The following ATL2 variants were observed in gnomAD, a reference collection of about 807,000 sequenced individuals.
ATL2 encodes the protein atlastin-2.
In ATL2, 31 loss-of-function variants were observed where a neutral mutation model predicts 73.9. The observed-to-expected ratio is 0.42, with a 90% CI of 0.32 to 0.57. The LOEUF is 0.57. Ranked by LOEUF, ATL2 falls within the 20% of genes least tolerant of loss-of-function variation. The probability of loss-of-function intolerance (pLI) is 0.14; values close to 1 mark genes in which losing one functional copy is unlikely to be tolerated. For synonymous variants in ATL2, 291 were observed against 237.5 expected (o/e 1.23, Z -2.07); for missense variants, 738 against 702.6 (o/e 1.05, Z -0.57).
intron 2 of ATL2, among the ~76,000 whole-genome samples, chr2:38,320,156 T>A (rs1393328461): frequency 6.6e-6 from 1 of 152,144 alleles, no homozygotes; most frequent in African/African-American, 2.4e-5. Context: ...CAAGACTTGT[T>A]TGGAGCCTGA....
chr2:38,336,121 A>G (rs1346905877), intron 2 of ATL2, among the ~76,000 whole-genome samples: 1 of 152,246 alleles, frequency 6.6e-6, no homozygotes, highest in African/African-American at 2.4e-5. Context: ...TTGAGAAAGA[A>G]CATAAGACAG....
chr2:38,376,834 C>CGGGGCGGACACG (rs2124516611), intron 1 of ATL2, among the ~76,000 whole-genome samples: 1 of 151,360 alleles, frequency 6.6e-6, no homozygotes, highest in African/African-American at 2.4e-5. Context: ...CCCCTAAGGT[C>CGGGGCGGACACG]GGGGCGGACA....
At position 38,295,908 on chromosome 2, in the gene ATL2, T is replaced by C; in HGVS notation, c.*86A>G. On this transcript the variant is annotated 3_prime_UTR_variant, in exon 13 of 13. Transcript: ENST00000378954. ...ACTAAACTACTTCTACAGTTGATTG[T>C]AAACTTTGGTTTATTTTTATTTGAG... The C allele has an allele frequency of 1.7e-6, 2 of 1,170,124 alleles. No individual in the cohort carries two copies. Among genetic ancestry groups the C allele is most frequent in the South Asian group, 1.5e-5 (1 of 67,382 alleles). 72.5% of individuals were successfully genotyped at this position (1,170,124 alleles called of 1,614,324 possible). A position where few individuals can be genotyped will look rare whatever the true frequency, so the allele number is the denominator to read the frequency against.
chr2:38,349,684 A>G (rs1295479475), intron 1 of ATL2, among the ~76,000 whole-genome samples: 2 of 147,316 alleles, frequency 1.4e-5, no homozygotes, highest in Admixed American at 1.3e-4. Context: ...ATAAAAAATA[A>G]ATAAAATAGG....
intron 12 of ATL2, chr2:38,296,316 A>C: frequency 3.5e-6 from 5 of 1,446,066 alleles, no homozygotes; most frequent in Non-Finnish European, 4.5e-6. Flanking sequence ...TCTTATTCAA[A>C]CCATTTACAA....
intron 10 of ATL2, 81 bp from the exon 11 acceptor site, chr2:38,299,408 C>T (rs1667071473): frequency 3.0e-6 from 4 of 1,326,846 alleles, no homozygotes; most frequent in South Asian, 3.5e-5. Flanking sequence ...AAGTTATGTA[C>T]AATAAACAAG....
At chr2:38,308,567 T>C (rs936324156) in intron 9 of ATL2, among the ~76,000 whole-genome samples, 2 of 152,082 alleles carry the variant, frequency 1.3e-5, no homozygotes, top group African/African-American at 4.8e-5. Context: ...CAGTCAATAA[T>C]AACTTACTAT....
At chr2:38,360,043 T>G (rs1177809411) in intron 1 of ATL2, among the ~76,000 whole-genome samples, 1 of 145,754 alleles carries the variant, frequency 6.9e-6, no homozygotes, top group African/African-American at 2.6e-5. Context: ...GACACGAGAA[T>G]CACTTGAACC....
At chr2:38,377,073 G>T in intron 1 of ATL2, 70 bp downstream of exon 1, 2 of 1,464,838 alleles carry the variant, frequency 1.4e-6, no homozygotes, top group Non-Finnish European at 1.9e-6. Context: ...TGCGGCCGGT[G>T]CCCGCGAGCC....
chr2:38,305,205 C>G (rs1667384749), intron 9 of ATL2, among the ~76,000 whole-genome samples: 1 of 151,986 alleles, frequency 6.6e-6, no homozygotes, highest in South Asian at 2.1e-4. Flanking sequence ...ACTGGAGCAC[C>G]CAGATATATA....
rs559341701 is a variant in ATL2, at chr2:38,376,868, G to C, written c.118+275C>G. ...CACGGCGGCAGCCACGCGGCGGGCT[G>C]GCGGGCAGGGGGCCGGGCCGGTCGC... On this transcript the variant is annotated intron_variant, in intron 1 of 12. Coordinates refer to ENST00000378954, the MANE Select transcript of ATL2 (RefSeq NM_001135673.4). Among the ~76,000 whole-genome samples, 220 of 150,670 alleles carry C rather than the reference G, an allele frequency of 1.5e-3. 1 individual carries two copies. The highest frequency in any genetic ancestry group is 5.1e-3 in the African/African-American group (212 of 41,372).
intron 4 of ATL2, among the ~76,000 whole-genome samples, chr2:38,317,693 G>C (rs778749353): frequency 2.0e-5 from 3 of 151,632 alleles, no homozygotes; most frequent in Non-Finnish European, 4.4e-5. Context: ...AATTACCTGG[G>C]TTTTTTGTTT....
chr2:38,349,706 C>T (rs1383812312), intron 1 of ATL2, among the ~76,000 whole-genome samples: 1 of 151,442 alleles, frequency 6.6e-6, no homozygotes, highest in African/African-American at 2.4e-5. Flanking sequence ...AAAAAAAAAC[C>T]CCACTGGGCA....
upstream of ATL2, among the ~76,000 whole-genome samples, chr2:38,377,817 ATCTTT>A (rs1672078536): frequency 7.7e-6 from 1 of 130,510 alleles, no homozygotes. Flanking sequence ...TTTCCTCTTG[ATCTTT>A]TCTTTCCTCA....
At chr2:38,374,827 T>A (rs548762273) in intron 1 of ATL2, among the ~76,000 whole-genome samples, 27 of 152,230 alleles carry the variant, frequency 1.8e-4, no homozygotes, top group African/African-American at 5.8e-4. Flanking sequence ...TTACTTATAC[T>A]TGTGAATATT....
Position 38,319,495 on chromosome 2 carries a change from A to G in ATL2, c.364-476T>C, listed in dbSNP as rs1041904941. Among the ~76,000 whole-genome samples, 5 of 152,142 alleles carry G rather than the reference A, an allele frequency of 3.3e-5. No homozygotes were observed. In the East Asian group the frequency reaches 9.7e-4, roughly 30 times the overall value. ...ACTCCTGTAGTCCCGGCTACTCAGCAGGCTGAGGTAGGAGGATCACCTGAA... is the reference window on the plus strand; with the variant it reads ...ACTCCTGTAGTCCCGGCTACTCAGCGGGCTGAGGTAGGAGGATCACCTGAA... On this transcript the variant is annotated intron_variant, in intron 2 of 12. Transcript: ENST00000378954.
intron 1 of ATL2, among the ~76,000 whole-genome samples, chr2:38,344,814 A>G (rs537526687): frequency 1.3e-5 from 2 of 152,304 alleles, no homozygotes; most frequent in South Asian, 2.1e-4. Flanking sequence ...AGATGCATTT[A>G]TATCTCAGAA....
chr2:38,310,068 T>G (rs1667663513), intron 8 of ATL2, among the ~76,000 whole-genome samples: 1 of 152,180 alleles, frequency 6.6e-6, no homozygotes, highest in South Asian at 2.1e-4. Context: ...CTTCAGAATT[T>G]TCAGGACATC....
chr2:38,358,976 G>T (rs1670849103), intron 1 of ATL2, among the ~76,000 whole-genome samples: 1 of 151,976 alleles, frequency 6.6e-6, no homozygotes, highest in Admixed American at 6.6e-5. Context: ...CTTATAATCT[G>T]GTCCTGTAAA....
Sources: gnomAD v4.1 joint callset for allele counts (sites outside exome capture counted in the v4.1 genomes callset) on GRCh38, gnomAD v4.1.1 for gene constraint, MANE v1.5 for transcripts, NCBI Gene and HGNC (gene_info 2026-07-23, HGNC 2026-07-21) for gene names.